The following BRD4 variants were observed in gnomAD, a reference collection of about 807,000 sequenced individuals.
The protein encoded by BRD4 is bromodomain containing 4, also known as bromodomain-containing protein 4.
Under a neutral mutation model 142.1 loss-of-function variants are expected in BRD4, and 16 were observed. The observed-to-expected ratio is 0.11, with a 90% CI of 0.08 to 0.17. The LOEUF (loss-of-function observed/expected upper bound fraction) is 0.17. Ranked by LOEUF, BRD4 falls within the 10% of genes least tolerant of loss-of-function variation. BRD4 has a pLI of 1.00. For missense variants in BRD4, 1,424 were observed against 1,810.9 expected (o/e 0.79, Z 3.88); for synonymous variants, 833 against 707.5 (o/e 1.18, Z -2.82).
chr19:15,292,566 CAGG>C (rs2047790167), intron 1 of BRD4, among the ~76,000 whole-genome samples: 1 of 152,010 alleles, frequency 6.6e-6, no homozygotes, highest in Non-Finnish European at 1.5e-5. Flanking sequence ...ATCACGAGGT[CAGG>C]AGATCGAGAC....
chr19:15,295,513 G>A (rs1398196099), intron 1 of BRD4, among the ~76,000 whole-genome samples: 1 of 152,022 alleles, frequency 6.6e-6, no homozygotes, highest in Non-Finnish European at 1.5e-5. Flanking sequence ...ACAATCACAG[G>A]GTATCTACTT....
At chr19:15,292,010 T>C (rs2047785530) in intron 1 of BRD4, among the ~76,000 whole-genome samples, 1 of 152,244 alleles carries the variant, frequency 6.6e-6, no homozygotes, top group African/African-American at 2.4e-5. Context: ...CCTTCCACTA[T>C]ACCAGTTATT....
chr19:15,265,764 G>A (rs1037360684), intron 4 of BRD4, 121 bp from the exon 5 acceptor site: 12 of 1,093,096 alleles, frequency 1.1e-5, no homozygotes, highest in Admixed American at 1.7e-5. Flanking sequence ...TTGCCTGAGA[G>A]ACGAACATCC....
chr19:15,332,120 C>A (rs1202651893), intron 1 of BRD4, among the ~76,000 whole-genome samples, 170 bp downstream of exon 1: 1 of 146,130 alleles, frequency 6.8e-6, no homozygotes, highest in African/African-American at 2.5e-5. Flanking sequence ...GCGCGGGAGG[C>A]CCGCAGGCCC....
intron 11 of BRD4, chr19:15,253,800 C>G (rs1381991547): frequency 5.7e-6 from 9 of 1,586,764 alleles, no homozygotes; most frequent in African/African-American, 1.3e-5. Context: ...GTGGTCACAT[C>G]AAGGTCAACA....
At chr19:15,323,922 G>A (rs1307013920) in intron 1 of BRD4, among the ~76,000 whole-genome samples, 1 of 152,126 alleles carries the variant, frequency 6.6e-6, no homozygotes, top group Non-Finnish European at 1.5e-5. Flanking sequence ...TAGACATGAG[G>A]CCCAGGTCAG....
At chr19:15,311,960 T>C (rs906716696) in intron 1 of BRD4, among the ~76,000 whole-genome samples, 4 of 152,212 alleles carry the variant, frequency 2.6e-5, no homozygotes, top group Admixed American at 1.3e-4. Context: ...AAGGATACAG[T>C]GTCAGCTTTG....
chr19:15,254,274 G>C lies in BRD4; in HGVS notation c.2048-12C>G. 1 of 1,609,214 alleles carries C rather than the reference G, an allele frequency of 6.2e-7. No individual in the cohort carries two copies. Among genetic ancestry groups the C allele is most frequent in the Non-Finnish European group, 8.5e-7 (1 of 1,175,616 alleles). ...ATCAACTTTCTCAGCTGCAATCCAAGCAATGGGAGCTGGTCAGGCAGGGCT... is the reference window on the plus strand; with the variant it reads ...ATCAACTTTCTCAGCTGCAATCCAACCAATGGGAGCTGGTCAGGCAGGGCT... On this transcript the variant is annotated splice_polypyrimidine_tract_variant and intron_variant, in intron 10 of 19. Transcript: ENST00000679869.
intron 1 of BRD4, among the ~76,000 whole-genome samples, chr19:15,324,198 A>T (rs533066642): frequency 6.6e-6 from 1 of 152,144 alleles, no homozygotes; most frequent in East Asian, 1.9e-4. Context: ...AGGCTAACAC[A>T]TGCCTGGGGA....
chr19:15,321,823 G>A (rs569205179), intron 1 of BRD4, among the ~76,000 whole-genome samples: 6 of 152,228 alleles, frequency 3.9e-5, no homozygotes, highest in African/African-American at 1.4e-4. Context: ...TGTTTCACCT[G>A]TGGCAAACTA....
At chr19:15,283,148 A>C (rs1303234743) in intron 1 of BRD4, among the ~76,000 whole-genome samples, 1 of 152,066 alleles carries the variant, frequency 6.6e-6, no homozygotes, top group Non-Finnish European at 1.5e-5. Flanking sequence ...GTTTCCTAGG[A>C]GGAAGGAAAT....
intron 11 of BRD4, 103 bp from the exon 12 acceptor site, chr19:15,244,865 C>T: frequency 2.5e-6 from 4 of 1,587,216 alleles, no homozygotes; most frequent in South Asian, 2.3e-5. Context: ...AGGAGAAGGA[C>T]CAGTGACCCT....
intron 11 of BRD4, among the ~76,000 whole-genome samples, chr19:15,252,569 T>TTCG (rs1484203990): frequency 1.3e-5 from 2 of 152,242 alleles, no homozygotes; most frequent in Non-Finnish European, 2.9e-5. Context: ...GGGCCCTAGC[T>TTCG]TCGGGTGGCA....
rs199945643 is a variant in BRD4 at position 15,255,604 on chromosome 19, C to G, written c.1752-12G>C. ...CTGGCTCCTTCTTGCTACGAAGGGA[C>G]GATGCAGACACCATCAAGAACGGGC... On this transcript the variant is annotated splice_polypyrimidine_tract_variant and intron_variant, in intron 9 of 19. Coordinates refer to ENST00000679869, the MANE Select transcript of BRD4 (RefSeq NM_001379291.1). 6.3e-7 allele frequency: 1 copy of G among 1,594,520 alleles called. No individual in the cohort carries two copies. Among genetic ancestry groups the G allele is most frequent in the Non-Finnish European group, 8.6e-7 (1 of 1,166,854 alleles).
intron 1 of BRD4, among the ~76,000 whole-genome samples, chr19:15,282,442 AC>A (rs1568397000): frequency 1.3e-5 from 2 of 152,190 alleles, no homozygotes; most frequent in Non-Finnish European, 2.9e-5. Context: ...ACCTACTTAC[AC>A]TGAAAACCAA....
rs1340263042 is a variant in BRD4 at position 15,273,067 on chromosome 19, C to T, written c.33G>A (p.Leu11=). 4 of 1,608,138 alleles carry T rather than the reference C, an allele frequency of 2.5e-6. No homozygotes were observed. The Admixed American group carries it at 6.7e-5, about 27-fold the overall frequency. ...CATCCCCCATTACTGGCAGATTTCT[C>T]AATCTCGTCCCAGGGCCGCTCTCCG... The part of the protein sequence containing the change: MSAESGPGTR[L]RNLPVMGDGL... Residue 11 remains leucine, a synonymous_variant, in exon 2 of 20, where the codon TTG becomes TTA. Transcript: ENST00000679869.
intron 1 of BRD4, among the ~76,000 whole-genome samples, chr19:15,288,877 G>A (rs1278848822): frequency 2.6e-5 from 4 of 152,140 alleles, no homozygotes; most frequent in African/African-American, 9.7e-5. Flanking sequence ...AAGTTCAGAG[G>A]AGCAGGCACC....
chr19:15,282,855 C>A (rs2145650938), intron 1 of BRD4, among the ~76,000 whole-genome samples: 1 of 152,264 alleles, frequency 6.6e-6, no homozygotes, highest in African/African-American at 2.4e-5. Flanking sequence ...ACAGTCCCAG[C>A]TCTTAGGAGG....
chr19:15,262,524 TAA>T (rs559468375), intron 7 of BRD4, among the ~76,000 whole-genome samples: 11 of 97,782 alleles, frequency 1.1e-4, no homozygotes, highest in Non-Finnish European at 1.1e-4. Flanking sequence ...CCCATCTCTT[TAA>T]AAAAAAAAAA....
Sources: gnomAD v4.1 joint callset for allele counts (sites outside exome capture counted in the v4.1 genomes callset) on GRCh38, gnomAD v4.1.1 for gene constraint, MANE v1.5 for transcripts, NCBI Gene and HGNC (gene_info 2026-07-23, HGNC 2026-07-21) for gene names.